Variants in BTBD9 observed in about 807,000 individuals in gnomAD.
BTBD9 encodes the protein BTB domain containing 9.
A neutral mutation model predicts 64.3 loss-of-function variants in BTBD9; 49 were observed. That is an observed-to-expected ratio of 0.76 (90% CI 0.61 to 0.97). BTBD9 has a LOEUF of 0.97. Ranked by LOEUF, BTBD9 falls within the 50% of genes least tolerant of loss-of-function variation. The pLI, the probability that BTBD9 is intolerant of heterozygous loss-of-function variation, is 0.00. For missense variants in BTBD9, 598 were observed against 762.1 expected (o/e 0.78, Z 2.53); for synonymous variants, 260 against 274.7 (o/e 0.95, Z 0.53).
intron 6 of BTBD9, among the ~76,000 whole-genome samples, chr6:38,490,298 A>G (rs1008986505): frequency 1.3e-5 from 2 of 152,172 alleles, no homozygotes; most frequent in African/African-American, 4.8e-5. Context: ...TATGGACACT[A>G]CACTCTCAAA....
chr6:38,231,659 CT>C (rs1335210596), intron 9 of BTBD9, among the ~76,000 whole-genome samples: 1 of 152,160 alleles, frequency 6.6e-6, no homozygotes, highest in East Asian at 1.9e-4. Flanking sequence ...ATAAAAGAGG[CT>C]AGAATGGCCC....
chr6:38,439,619 G>A (rs1435096871), intron 6 of BTBD9, among the ~76,000 whole-genome samples: 1 of 151,994 alleles, frequency 6.6e-6, no homozygotes, highest in Admixed American at 6.6e-5. Flanking sequence ...TAGAGATGGG[G>A]TTTCACCATG....
At chr6:38,238,598 G>A (rs756184751) in intron 9 of BTBD9, among the ~76,000 whole-genome samples, 1 of 149,494 alleles carries the variant, frequency 6.7e-6, no homozygotes, top group Non-Finnish European at 1.5e-5. Context: ...TCAGCCTCCC[G>A]AGTAGCTGGG....
intron 6 of BTBD9, among the ~76,000 whole-genome samples, chr6:38,557,217 G>T (rs1465394824): frequency 6.6e-6 from 1 of 151,534 alleles, no homozygotes; most frequent in African/African-American, 2.4e-5. Flanking sequence ...GTGGTGGCAG[G>T]CGCCTGCAAT....
In BTBD9 at chr6:38,592,851, TA is replaced by T. The variant is rs1180601900; in HGVS notation, c.550-12del. 1 of 1,612,262 alleles carries T rather than the reference TA, an allele frequency of 6.2e-7. No homozygotes were observed. The highest frequency in any genetic ancestry group is 8.5e-7 in the Non-Finnish European group (1 of 1,178,738). On this transcript the variant is annotated splice_polypyrimidine_tract_variant and intron_variant, in intron 3 of 10. Coordinates refer to ENST00000481247, the MANE Select transcript of BTBD9 (RefSeq NM_001099272.2). ...GTTTAAAAGTGCTGTCTGAAAAGGATAAAAAGGTAAAATTCCAGTTATATGA... is the reference window on the plus strand; with the variant it reads ...GTTTAAAAGTGCTGTCTGAAAAGGATAAAAGGTAAAATTCCAGTTATATGA...
chr6:38,485,976 G>A (rs1032009734), intron 6 of BTBD9, among the ~76,000 whole-genome samples: 1 of 152,156 alleles, frequency 6.6e-6, no homozygotes, highest in Admixed American at 6.5e-5. Flanking sequence ...GGTCTTCTGG[G>A]TAACTTGCTG....
intron 9 of BTBD9, among the ~76,000 whole-genome samples, chr6:38,199,884 A>G (rs566905917): frequency 2.0e-5 from 3 of 152,348 alleles, no homozygotes; most frequent in South Asian, 4.1e-4. Flanking sequence ...GGGCAAGAAA[A>G]GCCTGGGCTG....
At chr6:38,546,118 A>T (rs1325966102) in intron 6 of BTBD9, among the ~76,000 whole-genome samples, 1 of 152,132 alleles carries the variant, frequency 6.6e-6, no homozygotes, top group Non-Finnish European at 1.5e-5. Flanking sequence ...AGAAAAAGGG[A>T]TGTAGGATGA....
chr6:38,492,462 T>C (rs1771745475), intron 6 of BTBD9, among the ~76,000 whole-genome samples: 1 of 152,180 alleles, frequency 6.6e-6, no homozygotes. Flanking sequence ...CTTTTCAAAA[T>C]ACAGGCCACC....
intron 10 of BTBD9, among the ~76,000 whole-genome samples, chr6:38,180,918 G>A (rs185617826): frequency 2.1e-4 from 32 of 152,324 alleles, no homozygotes; most frequent in Admixed American, 1.9e-3. Context: ...TGTAGCTGCT[G>A]TTTATGATCA....
rs117434185 is a variant in BTBD9, at chr6:38,523,225, T to C, written c.1154+54375A>G. On this transcript the variant is annotated intron_variant, in intron 6 of 10. Transcript: ENST00000481247. Reference sequence around the variant, plus strand: ...CAGGCAAAATCCTTTGAATTTTCCATGATGACACCTCTTGCAGACACCTCT... The same window carrying C: ...CAGGCAAAATCCTTTGAATTTTCCACGATGACACCTCTTGCAGACACCTCT... 2.0e-3 allele frequency among the ~76,000 whole-genome samples: 309 copies of C among 152,118 alleles called. 6 individuals carry two copies. The East Asian group carries it at 0.037, about 18-fold the overall frequency.
chr6:38,555,999 C>T (rs539294440), intron 6 of BTBD9, among the ~76,000 whole-genome samples: 5 of 152,190 alleles, frequency 3.3e-5, no homozygotes, highest in Non-Finnish European at 4.4e-5. Flanking sequence ...TAATTTTACA[C>T]GTGGACAGTT....
At chr6:38,272,917 A>G (rs1393705937) in intron 8 of BTBD9, among the ~76,000 whole-genome samples, 3 of 152,238 alleles carry the variant, frequency 2.0e-5, no homozygotes, top group Admixed American at 1.3e-4. Flanking sequence ...TAAATGGTAT[A>G]TAACTGTCTA....
intron 6 of BTBD9, among the ~76,000 whole-genome samples, chr6:38,407,387 A>G (rs1767216242): frequency 6.6e-6 from 1 of 152,096 alleles, no homozygotes; most frequent in African/African-American, 2.4e-5. Flanking sequence ...GTAGGGAATC[A>G]CTTTTGAGTT....
intron 6 of BTBD9, among the ~76,000 whole-genome samples, chr6:38,529,395 C>T (rs1235949489): frequency 1.3e-5 from 2 of 152,180 alleles, no homozygotes; most frequent in Non-Finnish European, 2.9e-5. Flanking sequence ...TTGGGGTGCC[C>T]CCTAAAGCAG....
intron 6 of BTBD9, among the ~76,000 whole-genome samples, chr6:38,518,100 A>T (rs1168796161): frequency 6.6e-6 from 1 of 152,350 alleles, no homozygotes; most frequent in South Asian, 2.1e-4. Context: ...ATACAGTAGC[A>T]AATGTCACTA....
intron 1 of BTBD9, among the ~76,000 whole-genome samples, chr6:38,608,254 T>C (rs1180159377): frequency 6.6e-6 from 1 of 152,146 alleles, no homozygotes; most frequent in Non-Finnish European, 1.5e-5. Flanking sequence ...AACTATCCTT[T>C]TCCATACTCT....
intron 6 of BTBD9, among the ~76,000 whole-genome samples, chr6:38,442,651 C>G (rs895335358): frequency 6.4e-5 from 9 of 141,028 alleles, no homozygotes; most frequent in African/African-American, 2.4e-4. Flanking sequence ...AGAACAGACT[C>G]ATTTGTACTC....
At chr6:38,478,201 C>T (rs375268899) in intron 6 of BTBD9, among the ~76,000 whole-genome samples, 8 of 152,196 alleles carry the variant, frequency 5.3e-5, no homozygotes, top group Middle Eastern at 3.4e-3. Flanking sequence ...TCTCTGATTA[C>T]GTGCGTATAT....
Sources: gnomAD v4.1 joint callset for allele counts (sites outside exome capture counted in the v4.1 genomes callset) on GRCh38, gnomAD v4.1.1 for gene constraint, MANE v1.5 for transcripts, NCBI Gene and HGNC (gene_info 2026-07-23, HGNC 2026-07-21) for gene names.